ME3: variants seen among roughly 807,000 people sequenced by gnomAD.
ME3 encodes the protein malic enzyme 3, also known as NADP-dependent malic enzyme, mitochondrial.
ME3 carries 48 observed loss-of-function variants against 68.9 expected under a neutral mutation model. That is an observed-to-expected ratio of 0.70 (90% CI 0.55 to 0.89). ME3 has a LOEUF of 0.89. Among genes scored for constraint, ME3 ranks in the 40% least tolerant of loss-of-function variants. ME3 has a pLI of 0.00. For missense variants in ME3, 675 were observed against 797.4 expected, an observed-to-expected ratio of 0.85 and a Z score of 1.85; for synonymous variants, 320 against 318.8, an observed-to-expected ratio of 1.00 and a Z score of -0.04.
At chr11:86,573,024 C>T (rs550492735) in intron 2 of ME3, among the ~76,000 whole-genome samples, 3 of 152,252 alleles carry the variant, frequency 2.0e-5, no homozygotes, top group Admixed American at 6.5e-5. Context: ...ATTTCTCTAA[C>T]GATCAGTGAT....
intron 4 of ME3, among the ~76,000 whole-genome samples, chr11:86,522,449 C>T (rs1218604120): frequency 6.6e-6 from 1 of 151,192 alleles, no homozygotes; most frequent in African/African-American, 2.4e-5. Context: ...GTTTGCTGCA[C>T]CTGTCAACCT....
intron 5 of ME3, among the ~76,000 whole-genome samples, chr11:86,505,503 G>A (rs956099689): frequency 1.3e-5 from 2 of 152,174 alleles, no homozygotes; most frequent in African/African-American, 2.4e-5. Flanking sequence ...ACCACTAAGA[G>A]CCAAATCAAA....
chr11:86,479,278 G>A lies in ME3; in HGVS notation c.809+8059C>T, dbSNP rs1262003639. Reference sequence around the variant, plus strand: ...CGGCCCCACTTTGGATTTATACTGAGCTATGCCACCAGTTTCCCTGGTTCT... The same window carrying A: ...CGGCCCCACTTTGGATTTATACTGAACTATGCCACCAGTTTCCCTGGTTCT... On this transcript the variant is annotated intron_variant, in intron 7 of 14. Transcript: ENST00000543262. Among the ~76,000 whole-genome samples the A allele has an allele frequency of 4.6e-5, 7 of 152,302 alleles. No homozygotes were observed. The East Asian group carries it at 1.4e-3, about 29-fold the overall frequency.
At position 86,448,145 on chromosome 11, in the gene ME3, C is replaced by T. The variant is rs1385514445; in HGVS notation, c.1237+5G>A. 1.1e-5 allele frequency: 18 copies of T among 1,603,598 alleles called. No homozygotes were observed. Among genetic ancestry groups the T allele is most frequent in the Non-Finnish European group, 1.4e-5 (16 of 1,170,396 alleles). On this transcript the variant is annotated splice_donor_5th_base_variant and intron_variant, in intron 11 of 14. Coordinates refer to ENST00000543262, the Ensembl canonical transcript of ME3. The stretch of plus-strand genomic sequence containing the variant: ...CTGGGTAGTGGGTACCCTCCCTCCT[C>T]CTACCTATGATGGCTGTGGGCTTCA...
chr11:86,619,461 A>T (rs1015429267), intron 2 of ME3, among the ~76,000 whole-genome samples: 14 of 152,202 alleles, frequency 9.2e-5, no homozygotes, highest in African/African-American at 3.4e-4. Context: ...CCCAAATCTC[A>T]TCTTGAATTG....
At position 86,449,903 on chromosome 11, in the gene ME3, CT is replaced by C. The variant is rs754293488; in HGVS notation, c.1116del (p.Leu374SerfsTer9). ...ACTGACAGTACCTTGACAATGAGCCCTTTAGAGTCCACCATCCAGATCTTTC... is the reference window on the plus strand; with the variant it reads ...ACTGACAGTACCTTGACAATGAGCCCTTAGAGTCCACCATCCAGATCTTTC... On this transcript the variant is annotated frameshift_variant, in exon 10 of 15. Transcript: ENST00000543262. LOFTEE classifies it high-confidence loss of function. 7.4e-6 allele frequency: 12 copies of C among 1,613,472 alleles called. No individual in the cohort carries two copies. Among genetic ancestry groups the C allele is most frequent in the Non-Finnish European group, 9.3e-6 (11 of 1,179,716 alleles).
rs571326331 is a variant in ME3 at position 86,629,186 on chromosome 11, G to T, written c.183+42576C>A. 2.0e-5 allele frequency among the ~76,000 whole-genome samples: 3 copies of T among 152,256 alleles called. No individual in the cohort carries two copies. In the South Asian group the frequency reaches 6.2e-4, roughly 32 times the overall value. On this transcript the variant is annotated intron_variant, in intron 2 of 14. Coordinates refer to ENST00000543262, the Ensembl canonical transcript of ME3. Reference sequence around the variant, plus strand: ...TGGAGCCCTGCTATCTTTCTCACCAGGTCATGAGAATGTCTAGCATCTCGA... The same window carrying T: ...TGGAGCCCTGCTATCTTTCTCACCATGTCATGAGAATGTCTAGCATCTCGA...
At chr11:86,561,979 G>A (rs989257952) in intron 2 of ME3, among the ~76,000 whole-genome samples, 1 of 152,072 alleles carries the variant, frequency 6.6e-6, no homozygotes, top group African/African-American at 2.4e-5. Context: ...AAAGTTCTAT[G>A]GGTTTTGACA....
intron 5 of ME3, among the ~76,000 whole-genome samples, chr11:86,506,864 C>T (rs1445741625): frequency 6.6e-6 from 1 of 152,206 alleles, no homozygotes; most frequent in Non-Finnish European, 1.5e-5. Context: ...TTAATGTCCT[C>T]AAGATTTTAT....
At chr11:86,467,689 T>TCA (rs1418517105) in intron 7 of ME3, among the ~76,000 whole-genome samples, 7 of 132,736 alleles carry the variant, frequency 5.3e-5, no homozygotes, top group African/African-American at 1.9e-4. Flanking sequence ...TCTCTCTCTC[T>TCA]CTCTCACACA....
At chr11:86,520,355 G>T (rs936462411) in intron 4 of ME3, among the ~76,000 whole-genome samples, 3 of 152,178 alleles carry the variant, frequency 2.0e-5, no homozygotes, top group African/African-American at 7.2e-5. Context: ...TCTGCTTTGC[G>T]CCAGGCATTG....
intron 8 of ME3, among the ~76,000 whole-genome samples, chr11:86,454,898 C>G (rs1471817323): frequency 6.6e-6 from 1 of 152,186 alleles, no homozygotes; most frequent in Non-Finnish European, 1.5e-5. Context: ...TTAGCTAGCT[C>G]TAGGGTGGGC....
chr11:86,592,368 A>G (rs957627528), intron 2 of ME3, among the ~76,000 whole-genome samples: 1 of 152,230 alleles, frequency 6.6e-6, no homozygotes, highest in Non-Finnish European at 1.5e-5. Context: ...GAAATAGGCT[A>G]TTTAAACTCA....
intron 2 of ME3, among the ~76,000 whole-genome samples, chr11:86,669,540 T>G (rs183642369): frequency 6.6e-6 from 1 of 152,154 alleles, no homozygotes; most frequent in Non-Finnish European, 1.5e-5. Flanking sequence ...AGGGGAAATG[T>G]GTCAGGCACT....
intron 2 of ME3, among the ~76,000 whole-genome samples, chr11:86,630,505 T>G (rs1594727355): frequency 6.6e-6 from 1 of 152,322 alleles, no homozygotes; most frequent in East Asian, 1.9e-4. Context: ...CTGCAGAGTT[T>G]AAACAGCCAC....
At chr11:86,648,302 A>G (rs1182737908) in intron 2 of ME3, among the ~76,000 whole-genome samples, 1 of 152,236 alleles carries the variant, frequency 6.6e-6, no homozygotes, top group African/African-American at 2.4e-5. Flanking sequence ...AATGTACCAC[A>G]ATCTGTGGGA....
intron 2 of ME3, among the ~76,000 whole-genome samples, chr11:86,560,742 G>GTATATATATATATATATATATA (rs1201892920): frequency 2.2e-4 from 13 of 58,316 alleles, no homozygotes; most frequent in Non-Finnish European, 4.2e-4. Flanking sequence ...GTGTGTGTGT[G>GTATATATATATATATATATATA]TGTGTGTATA....
At chr11:86,635,744 TC>T (rs1482316612) in intron 2 of ME3, among the ~76,000 whole-genome samples, 1 of 152,230 alleles carries the variant, frequency 6.6e-6, no homozygotes, top group African/African-American at 2.4e-5. Flanking sequence ...TAACTTTTTT[TC>T]CTTTCTAAAT....
At chr11:86,602,416 C>T (rs1326791567) in intron 2 of ME3, among the ~76,000 whole-genome samples, 1 of 152,126 alleles carries the variant, frequency 6.6e-6, no homozygotes, top group African/African-American at 2.4e-5. Context: ...AGGACCTCTT[C>T]AAGGAGAACT....
Sources: gnomAD v4.1 joint callset for allele counts (sites outside exome capture counted in the v4.1 genomes callset) on GRCh38, gnomAD v4.1.1 for gene constraint, MANE v1.5 for transcripts, NCBI Gene and HGNC (gene_info 2026-07-23, HGNC 2026-07-21) for gene names.